The following HTR1F variants were observed in gnomAD, a reference collection of about 807,000 sequenced individuals.
HTR1F encodes 5-hydroxytryptamine (serotonin) receptor 1F, G protein-coupled.
Under a neutral mutation model 24.0 loss-of-function variants are expected in HTR1F, and 17 were observed. The observed-to-expected ratio is 0.71, with a 90% confidence interval of 0.48 to 1.06. The LOEUF (loss-of-function observed/expected upper bound fraction) is 1.06. Among genes scored for constraint, HTR1F ranks in the 50% least tolerant of loss-of-function variants. The probability of loss-of-function intolerance (pLI) is 0.00; values close to 1 mark genes in which losing one functional copy is unlikely to be tolerated. For synonymous variants in HTR1F, 186 were observed against 156.8 expected (o/e 1.19, Z -1.39); for missense variants, 391 against 427.8 (o/e 0.91, Z 0.76).
intron 2 of HTR1F, among the ~76,000 whole-genome samples, chr3:87,963,568 A>G (rs1369571028): frequency 6.6e-6 from 1 of 152,072 alleles, no homozygotes; most frequent in Admixed American, 6.6e-5. Context: ...CTCTCCTCCA[A>G]CGTGGCAACC....
At chr3:87,959,218 T>C (rs987843048) in intron 2 of HTR1F, among the ~76,000 whole-genome samples, 4 of 151,762 alleles carry the variant, frequency 2.6e-5, no homozygotes, top group African/African-American at 7.2e-5. Flanking sequence ...AAACCTACTC[T>C]CTGAGACTCA....
chr3:87,912,468 C>T (rs1285180290), intron 2 of HTR1F, among the ~76,000 whole-genome samples: 1 of 151,742 alleles, frequency 6.6e-6, no homozygotes, highest in Non-Finnish European at 1.5e-5. Flanking sequence ...ATAGAAAGAA[C>T]CAATGTCATT....
chr3:87,823,823 G>A (rs1165012272), intron 2 of HTR1F, among the ~76,000 whole-genome samples: 1 of 152,076 alleles, frequency 6.6e-6, no homozygotes, highest in Non-Finnish European at 1.5e-5. Context: ...ACTTTTGGGA[G>A]GCCGATGCGG....
chr3:87,941,463 G>T (rs959713987), intron 2 of HTR1F, among the ~76,000 whole-genome samples: 7 of 152,292 alleles, frequency 4.6e-5, no homozygotes, highest in South Asian at 2.1e-4. Context: ...GCCACAGGTA[G>T]AGAGGAAATT....
At chr3:87,900,213 A>G (rs1706290228) in intron 2 of HTR1F, among the ~76,000 whole-genome samples, 1 of 152,192 alleles carries the variant, frequency 6.6e-6, no homozygotes, top group Non-Finnish European at 1.5e-5. Flanking sequence ...ACACAGTCAG[A>G]TAAAGTCTCG....
At chr3:87,906,682 C>T (rs1703675177) in intron 2 of HTR1F, among the ~76,000 whole-genome samples, 1 of 151,704 alleles carries the variant, frequency 6.6e-6, no homozygotes, top group Non-Finnish European at 1.5e-5. Context: ...GTCTTTTATT[C>T]CTCGCCCCCC....
At position 87,924,113 on chromosome 3, in the gene HTR1F, C is replaced by G. The variant is rs376814540; in HGVS notation, c.-42-66595C>G. Among the ~76,000 whole-genome samples, 12 of 152,028 alleles carry G rather than the reference C, an allele frequency of 7.9e-5. 1 individual carries two copies. The highest frequency in any genetic ancestry group is 2.9e-4 in the African/African-American group (12 of 41,492). On this transcript the variant is annotated intron_variant, in intron 2 of 2. Coordinates refer to ENST00000319595, the MANE Select transcript of HTR1F (RefSeq NM_001322209.2). Reference sequence around the variant, plus strand: ...TTTTGGTAGGATTCAGCAATAAAGCCATTTGGTCCTGGGCTTTTCTTTTTT... The same window carrying G: ...TTTTGGTAGGATTCAGCAATAAAGCGATTTGGTCCTGGGCTTTTCTTTTTT...
At chr3:87,988,416 C>T (rs1331504065) in intron 2 of HTR1F, among the ~76,000 whole-genome samples, 2 of 152,076 alleles carry the variant, frequency 1.3e-5, no homozygotes, top group East Asian at 3.8e-4. Flanking sequence ...TTCTGCCACT[C>T]AATTTGCTTA....
intron 2 of HTR1F, among the ~76,000 whole-genome samples, chr3:87,946,044 T>C (rs1576074015): frequency 6.6e-6 from 1 of 152,162 alleles, no homozygotes; most frequent in East Asian, 1.9e-4. Context: ...AAGCCGTGGG[T>C]CACGGAAGAG....
chr3:87,844,758 T>C (rs1433739521), intron 2 of HTR1F, among the ~76,000 whole-genome samples: 1 of 144,950 alleles, frequency 6.9e-6, no homozygotes, highest in Non-Finnish European at 1.5e-5. Flanking sequence ...GCTAGCCAGT[T>C]TTCCCAGCAC....
chr3:87,802,930 TC>T (rs1704017831), intron 1 of HTR1F, among the ~76,000 whole-genome samples: 1 of 152,174 alleles, frequency 6.6e-6, no homozygotes, highest in Admixed American at 6.5e-5. Flanking sequence ...ATTCAAGGCA[TC>T]TTTTAGCAGG....
At chr3:87,966,887 C>T (rs114868736) in intron 2 of HTR1F, among the ~76,000 whole-genome samples, 5,234 of 152,138 alleles carry the variant, frequency 0.034, 119 homozygotes, top group Non-Finnish European at 0.053. Flanking sequence ...CATATGGCTA[C>T]AGAGGATTTC....
chr3:87,865,201 G>T (rs561250691), intron 2 of HTR1F, among the ~76,000 whole-genome samples: 28 of 151,294 alleles, frequency 1.9e-4, no homozygotes, highest in Middle Eastern at 3.4e-3. Flanking sequence ...GAACAATGTG[G>T]TTTTTTTTGC....
chr3:87,863,572 A>T (rs1295588678), intron 2 of HTR1F, among the ~76,000 whole-genome samples: 1 of 152,150 alleles, frequency 6.6e-6, no homozygotes, highest in Non-Finnish European at 1.5e-5. Context: ...CCAGTTTCCA[A>T]TAACATGTTC....
chr3:87,802,318 CCCTT>C (rs1453810181), intron 1 of HTR1F, among the ~76,000 whole-genome samples: 1 of 125,460 alleles, frequency 8.0e-6, no homozygotes, highest in African/African-American at 3.1e-5. Context: ...CTTCCTTCCT[CCCTT>C]CCTTCTTTCC....
chr3:87,861,750 C>T (rs904165250), intron 2 of HTR1F, among the ~76,000 whole-genome samples: 22 of 152,072 alleles, frequency 1.4e-4, no homozygotes, highest in Non-Finnish European at 2.9e-4. Context: ...CTTCTACTTA[C>T]ATAAATTTGT....
At chr3:87,932,829 G>A (rs1349662886) in intron 2 of HTR1F, among the ~76,000 whole-genome samples, 1 of 151,778 alleles carries the variant, frequency 6.6e-6, no homozygotes. Flanking sequence ...TAGAAAAAGA[G>A]GGAATCCTCC....
intron 2 of HTR1F, among the ~76,000 whole-genome samples, chr3:87,928,967 T>C (rs1017148922): frequency 6.6e-6 from 1 of 152,184 alleles, no homozygotes; most frequent in African/African-American, 2.4e-5. Flanking sequence ...TAAGGGCATA[T>C]CCATTTTTAT....
intron 2 of HTR1F, among the ~76,000 whole-genome samples, chr3:87,861,995 C>A (rs1705329616): frequency 6.6e-6 from 1 of 152,096 alleles, no homozygotes; most frequent in Non-Finnish European, 1.5e-5. Flanking sequence ...ATAAATCCCA[C>A]AATCAAATGT....
Sources: gnomAD v4.1 joint callset for allele counts (sites outside exome capture counted in the v4.1 genomes callset) on GRCh38, gnomAD v4.1.1 for gene constraint, MANE v1.5 for transcripts, NCBI Gene and HGNC (gene_info 2026-07-23, HGNC 2026-07-21) for gene names.